The following NCKAP5 variants were observed in gnomAD, a reference collection of about 807,000 sequenced individuals.
NCKAP5 encodes the protein nck-associated protein 5.
NCKAP5 carries 92 observed loss-of-function variants against 167.0 expected under a neutral mutation model. The observed-to-expected ratio is 0.55, with a 90% confidence interval of 0.47 to 0.66. NCKAP5 has a LOEUF of 0.66. Ranked by LOEUF, NCKAP5 falls within the 30% of genes least tolerant of loss-of-function variation. The probability of loss-of-function intolerance (pLI) is 0.00; values close to 1 mark genes in which losing one functional copy is unlikely to be tolerated. For missense variants in NCKAP5, 2,378 were observed against 2,315.0 expected, an observed-to-expected ratio of 1.03 and a Z score of -0.56; for synonymous variants, 891 against 877.4, an observed-to-expected ratio of 1.02 and a Z score of -0.27.
chr2:133,542,614 C>T lies in NCKAP5; in HGVS notation c.-62+16436G>A, dbSNP rs533117538. Among the ~76,000 whole-genome samples the T allele has an allele frequency of 2.6e-5, 4 of 152,308 alleles. No individual in the cohort carries two copies. In the East Asian group the frequency reaches 7.7e-4, roughly 29 times the overall value. On this transcript the variant is annotated intron_variant, in intron 2 of 19. Coordinates refer to ENST00000409261, the MANE Select transcript of NCKAP5 (RefSeq NM_207363.3). The stretch of plus-strand genomic sequence containing the variant: ...TCTCCTTTCCTCCCTGCTCACATAA[C>T]CAGCAGTGGCTCCAGTGTTTGCACA...
At chr2:133,037,168 T>A (rs4560171) in intron 6 of NCKAP5, among the ~76,000 whole-genome samples, 38 of 151,986 alleles carry the variant, frequency 2.5e-4, no homozygotes, top group Non-Finnish European at 1.9e-4. Flanking sequence ...ATAAATGGAA[T>A]AACATTCCAT....
chr2:133,099,520 T>C (rs1454219634), intron 6 of NCKAP5, among the ~76,000 whole-genome samples: 3 of 152,236 alleles, frequency 2.0e-5, no homozygotes, highest in Non-Finnish European at 4.4e-5. Flanking sequence ...AAGTACATAT[T>C]GGGGTCACTG....
At chr2:133,315,036 A>G (rs1681503805) in intron 3 of NCKAP5, among the ~76,000 whole-genome samples, 1 of 152,168 alleles carries the variant, frequency 6.6e-6, no homozygotes, top group Admixed American at 6.5e-5. Context: ...GAGGGTGATC[A>G]TCACAGCTGC....
intron 11 of NCKAP5, among the ~76,000 whole-genome samples, chr2:132,807,368 T>C (rs1012603599): frequency 2.0e-5 from 3 of 152,236 alleles, no homozygotes; most frequent in African/African-American, 7.2e-5. Flanking sequence ...ATTTTCACAA[T>C]ATTGATTCTA....
At chr2:133,622,596 A>C in the NCKAP5 span, among the ~76,000 whole-genome samples, 1 of 152,200 alleles carries the variant, frequency 6.6e-6, no homozygotes, top group Non-Finnish European at 1.5e-5. Context: ...AATATACTTA[A>C]CCAAGGATGT....
At chr2:133,621,684 C>T in the NCKAP5 span, among the ~76,000 whole-genome samples, 11 of 152,114 alleles carry the variant, frequency 7.2e-5, no homozygotes, top group Non-Finnish European at 1.5e-4. Flanking sequence ...GACAGATTCA[C>T]AGCTGAATTC....
At chr2:132,967,765 G>A (rs551980975) in intron 7 of NCKAP5, among the ~76,000 whole-genome samples, 2 of 152,274 alleles carry the variant, frequency 1.3e-5, no homozygotes, top group African/African-American at 4.8e-5. Context: ...TCTAATGTTG[G>A]TAAACATGAC....
intron 4 of NCKAP5, among the ~76,000 whole-genome samples, chr2:133,297,582 T>C (rs897528581): frequency 2.8e-4 from 42 of 152,282 alleles, no homozygotes; most frequent in African/African-American, 1.0e-3. Context: ...GGTTAAAGAC[T>C]AGCAGCCCCC....
At chr2:133,195,860 A>T (rs774635894) in intron 5 of NCKAP5, among the ~76,000 whole-genome samples, 19 of 152,162 alleles carry the variant, frequency 1.2e-4, no homozygotes, top group Non-Finnish European at 2.4e-4. Flanking sequence ...TTACCACCTT[A>T]ACAAGGAAAA....
chr2:133,077,127 G>A (rs1359808275), intron 6 of NCKAP5, among the ~76,000 whole-genome samples: 1 of 152,078 alleles, frequency 6.6e-6, no homozygotes, highest in East Asian at 1.9e-4. Context: ...AAAATAGACA[G>A]CAATGAATTT....
At chr2:133,482,123 G>T (rs944624455) in intron 3 of NCKAP5, among the ~76,000 whole-genome samples, 11 of 151,954 alleles carry the variant, frequency 7.2e-5, no homozygotes, top group African/African-American at 2.7e-4. Context: ...ATAACTTTCA[G>T]TTCTCATCCA....
chr2:133,317,254 G>A (rs1681674803), intron 3 of NCKAP5, among the ~76,000 whole-genome samples: 1 of 151,972 alleles, frequency 6.6e-6, no homozygotes, highest in Non-Finnish European at 1.5e-5. Flanking sequence ...ACACATCCAG[G>A]ATAAAATCAC....
rs572271189 is a variant in NCKAP5 at position 133,498,635 on chromosome 2, T to C, written c.69+18823A>G. Among the ~76,000 whole-genome samples, 7 of 151,658 alleles carry C rather than the reference T, an allele frequency of 4.6e-5. No individual in the cohort carries two copies. The East Asian group carries it at 1.2e-3, about 25-fold the overall frequency. ...AAGAAAAGATAAATATGTACAACTTTTATGCATCCATAAAAATAAAGAAAG... is the reference window on the plus strand; with the variant it reads ...AAGAAAAGATAAATATGTACAACTTCTATGCATCCATAAAAATAAAGAAAG... On this transcript the variant is annotated intron_variant, in intron 3 of 19. Transcript: ENST00000409261.
At chr2:133,189,442 G>A (rs1288652605) in intron 5 of NCKAP5, among the ~76,000 whole-genome samples, 1 of 151,912 alleles carries the variant, frequency 6.6e-6, no homozygotes, top group Non-Finnish European at 1.5e-5. Context: ...TATGAGGCCA[G>A]CATCATCCTG....
intron 15 of NCKAP5, among the ~76,000 whole-genome samples, chr2:132,779,736 A>C (rs1558758644): frequency 1.3e-5 from 2 of 152,228 alleles, no homozygotes; most frequent in Admixed American, 1.3e-4. Flanking sequence ...CTCTCAAATT[A>C]AAGTCTGTGA....
At chr2:132,734,747 G>T (rs1691345402) in intron 16 of NCKAP5, among the ~76,000 whole-genome samples, 1 of 148,348 alleles carries the variant, frequency 6.7e-6, no homozygotes, top group Non-Finnish European at 1.5e-5. Context: ...TAAGCAACTT[G>T]TCCAAGGTCA....
chr2:132,881,056 CAAT>C (rs1691708615), intron 8 of NCKAP5, among the ~76,000 whole-genome samples: 1 of 152,288 alleles, frequency 6.6e-6, no homozygotes, highest in East Asian at 1.9e-4. Context: ...CCAATTGTCC[CAAT>C]AATGTCATTG....
chr2:133,389,999 T>C (rs901010272), intron 3 of NCKAP5, among the ~76,000 whole-genome samples: 9 of 152,212 alleles, frequency 5.9e-5, no homozygotes, highest in African/African-American at 2.2e-4. Flanking sequence ...AGCATCCCGA[T>C]TGACTCCTCA....
At chr2:133,135,300 A>C (rs4954030) in intron 5 of NCKAP5, among the ~76,000 whole-genome samples, 14,648 of 152,180 alleles carry the variant, frequency 0.096, 984 homozygotes, top group East Asian at 0.37. Flanking sequence ...GCAGAGGGAG[A>C]GGCAAGTGCA....
Sources: gnomAD v4.1 joint callset for allele counts (sites outside exome capture counted in the v4.1 genomes callset) on GRCh38, gnomAD v4.1.1 for gene constraint, MANE v1.5 for transcripts, NCBI Gene and HGNC (gene_info 2026-07-23, HGNC 2026-07-21) for gene names.